The following BICDL1 variants were observed in gnomAD, a reference collection of about 807,000 sequenced individuals.
The protein encoded by BICDL1 is BICD family-like cargo adapter 1.
Under a neutral mutation model 76.8 loss-of-function variants are expected in BICDL1, and 20 were observed. The observed-to-expected ratio is 0.26, with a 90% CI of 0.18 to 0.38. The LOEUF is 0.38. Ranked by LOEUF, BICDL1 falls within the 10% of genes least tolerant of loss-of-function variation. The probability of loss-of-function intolerance (pLI) is 1.00; values close to 1 mark genes in which losing one functional copy is unlikely to be tolerated. For missense variants in BICDL1, 700 were observed against 798.6 expected (o/e 0.88, Z 1.49); for synonymous variants, 383 against 337.1 (o/e 1.14, Z -1.49).
intron 2 of BICDL1, among the ~76,000 whole-genome samples, chr12:120,035,599 C>T (rs938166564): frequency 1.3e-5 from 2 of 152,186 alleles, no homozygotes; most frequent in African/African-American, 2.4e-5. Flanking sequence ...TGCTAAACTA[C>T]TTACTGTAAA....
At chr12:119,992,219 C>T (rs1951539200) in intron 1 of BICDL1, among the ~76,000 whole-genome samples, 1 of 151,926 alleles carries the variant, frequency 6.6e-6, no homozygotes, top group East Asian at 1.9e-4. Context: ...AAGAGAGTAC[C>T]ATTAGTTGCT....
In BICDL1 at chr12:119,989,477, A is replaced by AGCAGCAGCAGCG. The variant is rs993119333; in HGVS notation, c.-390_-389insAGCAGCAGCGGC. On this transcript the variant is annotated 5_prime_UTR_variant, in exon 1 of 10. Coordinates refer to ENST00000548673, the MANE Select transcript of BICDL1 (RefSeq NM_001367886.1). ...GGCCGGCGGCGGCAGCAGCAGCAGCAGCGGCAGCGGCAACAGGGCGGCTGA... is the reference window on the plus strand; with the variant it reads ...GGCCGGCGGCGGCAGCAGCAGCAGCAGCAGCAGCAGCGGCGGCAGCGGCAACAGGGCGGCTGA... Among the ~76,000 whole-genome samples the AGCAGCAGCAGCG allele has an allele frequency of 0.019, 2,878 of 149,782 alleles. 47 individuals are homozygous for AGCAGCAGCAGCG. The highest frequency in any genetic ancestry group is 0.037 in the South Asian group (177 of 4,764).
intron 2 of BICDL1, among the ~76,000 whole-genome samples, chr12:120,051,798 A>T (rs1952865028): frequency 6.6e-6 from 1 of 152,156 alleles, no homozygotes; most frequent in Non-Finnish European, 1.5e-5. Flanking sequence ...TAATCTACAT[A>T]CCTATTGGAA....
intron 8 of BICDL1, among the ~76,000 whole-genome samples, chr12:120,084,956 T>C (rs1349154608): frequency 6.6e-6 from 1 of 152,024 alleles, no homozygotes; most frequent in Non-Finnish European, 1.5e-5. Context: ...CCCTCCCTTC[T>C]GTTCTCTTTC....
intron 2 of BICDL1, among the ~76,000 whole-genome samples, chr12:120,016,932 T>C (rs918445729): frequency 1.3e-5 from 2 of 152,176 alleles, no homozygotes; most frequent in Non-Finnish European, 2.9e-5. Context: ...TCGCTCTCTC[T>C]CCCAGTCTGG....
intron 2 of BICDL1, among the ~76,000 whole-genome samples, chr12:120,033,534 G>A (rs527886568): frequency 3.3e-5 from 5 of 151,594 alleles, no homozygotes; most frequent in East Asian, 3.9e-4. Flanking sequence ...CCGCCTCCAC[G>A]CCCGGCTAAT....
chr12:120,067,393 G>T (rs1015115003), intron 4 of BICDL1, among the ~76,000 whole-genome samples: 1 of 152,250 alleles, frequency 6.6e-6, no homozygotes, highest in South Asian at 2.1e-4. Flanking sequence ...CACCATCCCA[G>T]TTCCCTTAGA....
At chr12:119,994,522 C>T (rs1951596437) in intron 1 of BICDL1, among the ~76,000 whole-genome samples, 1 of 151,746 alleles carries the variant, frequency 6.6e-6, no homozygotes, top group Non-Finnish European at 1.5e-5. Context: ...CGGAGTCTCA[C>T]TTTGTTACCC....
chr12:120,016,807 C>T lies in BICDL1; in HGVS notation c.645+18071C>T, dbSNP rs544600990. ...TCCTACCAACAATGCGTGAGAGTTCCAGTTTCTCCACAAGAGGACTCCTTT... is the reference window on the plus strand; with the variant it reads ...TCCTACCAACAATGCGTGAGAGTTCTAGTTTCTCCACAAGAGGACTCCTTT... On this transcript the variant is annotated intron_variant, in intron 2 of 9. Coordinates refer to ENST00000548673, the MANE Select transcript of BICDL1 (RefSeq NM_001367886.1). Among the ~76,000 whole-genome samples, 2 of 151,698 alleles carry T rather than the reference C, an allele frequency of 1.3e-5. 1 individual carries two copies. The highest frequency in any genetic ancestry group is 1.3e-4 in the Admixed American group (2 of 15,248).
chr12:120,051,950 T>C (rs1051536362), intron 2 of BICDL1, among the ~76,000 whole-genome samples: 8 of 152,060 alleles, frequency 5.3e-5, no homozygotes, highest in African/African-American at 1.9e-4. Context: ...TTGTTGTTGT[T>C]GTTGTTTTGA....
At chr12:120,067,899 G>T (rs1256103545) in intron 4 of BICDL1, among the ~76,000 whole-genome samples, 2 of 152,168 alleles carry the variant, frequency 1.3e-5, no homozygotes, top group Non-Finnish European at 2.9e-5. Context: ...ACTGGGGTTG[G>T]AGAAGTTCCC....
chr12:120,021,591 A>G (rs1220189534), intron 2 of BICDL1, among the ~76,000 whole-genome samples: 1 of 145,958 alleles, frequency 6.9e-6, no homozygotes, highest in Non-Finnish European at 1.5e-5. Context: ...CATCTCAAAA[A>G]AAAAAAAAAA....
At chr12:120,039,359 G>A (rs1952588568) in intron 2 of BICDL1, among the ~76,000 whole-genome samples, 2 of 151,192 alleles carry the variant, frequency 1.3e-5, no homozygotes, top group Admixed American at 6.6e-5. Context: ...GGCTTCATGG[G>A]CCGAGCGTGG....
intron 2 of BICDL1, among the ~76,000 whole-genome samples, chr12:120,008,143 ACT>A (rs1216302893): frequency 8.1e-6 from 1 of 123,978 alleles, no homozygotes; most frequent in Non-Finnish European, 1.6e-5. Flanking sequence ...CATGATAATT[ACT>A]CTTTCTTTTT....
At chr12:120,005,577 T>C (rs1298066308) in intron 2 of BICDL1, among the ~76,000 whole-genome samples, 2 of 152,162 alleles carry the variant, frequency 1.3e-5, no homozygotes, top group Non-Finnish European at 2.9e-5. Flanking sequence ...TTTTGCCATG[T>C]TGGCAGGCTG....
intron 2 of BICDL1, among the ~76,000 whole-genome samples, chr12:120,057,574 C>T (rs1191310519): frequency 1.3e-5 from 2 of 152,126 alleles, no homozygotes; most frequent in African/African-American, 4.8e-5. Flanking sequence ...TTAGTCAAGT[C>T]CAAGGTGTGA....
At chr12:119,999,702 CT>C (rs1171303067) in intron 2 of BICDL1, 5 of 387,502 alleles carry the variant, frequency 1.3e-5, no homozygotes, top group African/African-American at 1.1e-4. Context: ...CAGAACATAC[CT>C]TTTAAACAAA....
chr12:120,075,776 G>A (rs1267968178), intron 7 of BICDL1, among the ~76,000 whole-genome samples: 2 of 152,170 alleles, frequency 1.3e-5, no homozygotes, highest in Admixed American at 6.5e-5. Flanking sequence ...ATATTTTCTT[G>A]GAAAATATCG....
intron 6 of BICDL1, among the ~76,000 whole-genome samples, chr12:120,073,910 CT>C (rs927917390): frequency 6.6e-6 from 1 of 151,950 alleles, no homozygotes; most frequent in Non-Finnish European, 1.5e-5. Flanking sequence ...TGAGCAATCT[CT>C]TTTTTTTGTT....
Sources: gnomAD v4.1 joint callset for allele counts (sites outside exome capture counted in the v4.1 genomes callset) on GRCh38, gnomAD v4.1.1 for gene constraint, MANE v1.5 for transcripts, NCBI Gene and HGNC (gene_info 2026-07-23, HGNC 2026-07-21) for gene names.